Variants in CAD observed in about 807,000 individuals in gnomAD.
CAD encodes the protein carbamoyl-phosphate synthetase 2, aspartate transcarbamylase, and dihydroorotase.
In CAD, 81 loss-of-function variants were observed where a neutral mutation model predicts 237.2. That is an observed-to-expected ratio of 0.34 (90% CI 0.29 to 0.41). The LOEUF (loss-of-function observed/expected upper bound fraction) is 0.41. CAD is among the 10% of genes least tolerant of loss of function. CAD has a pLI of 1.00. For missense variants in CAD, 2,181 were observed against 2,951.7 expected (o/e 0.74, Z 6.05); for synonymous variants, 1,196 against 1,162.8 (o/e 1.03, Z -0.58).
chr2:27,239,461 T>C lies in CAD; in HGVS notation c.5384T>C (p.Ile1795Thr). The change falls in exon 33 of 44, where the codon ATC becomes ACC. Residue 1795 changes from isoleucine (I) to threonine (T), a missense_variant. By Grantham distance (89) the Ile-to-Thr change is moderately conservative. Transcript: ENST00000264705. The surrounding 1 kb of genome is among the most constrained non-coding windows in gnomAD (Gnocchi z 4.0). The part of the protein sequence containing the change: ...RVVLRGEVAY[I>T]DGQVLVPPGY... Reference sequence around the variant, plus strand: ...GTCCTGCGAGGGGAGGTTGCCTATATCGATGGGCAGGTACGCAAGTAGCCC... The same window carrying C: ...GTCCTGCGAGGGGAGGTTGCCTATACCGATGGGCAGGTACGCAAGTAGCCC... 1.2e-6 allele frequency: 2 copies of C among 1,613,658 alleles called. No homozygotes were observed. The highest frequency in any genetic ancestry group is 1.7e-6 in the Non-Finnish European group (2 of 1,179,842).
At position 27,240,379 on chromosome 2, in the gene CAD, G is replaced by A. The variant is rs1354835416; in HGVS notation, c.5593+18G>A. 3.7e-6 allele frequency: 6 copies of A among 1,608,764 alleles called. No homozygotes were observed. The highest frequency in any genetic ancestry group is 1.3e-5 in the African/African-American group (1 of 74,924). On this transcript the variant is annotated intron_variant, in intron 35 of 43. Transcript: ENST00000264705. This position sits in a 1 kb window ranked among gnomAD's most constrained non-coding sequence, Gnocchi z 4.6. ...TTTGCCAGGTAAGAGTGGGGTTCCT[G>A]TGACTCAGAGACTGTGTAGGGACAG...
rs1676224226 is a variant in CAD at position 27,240,041 on chromosome 2, G to C, written c.5497-224G>C. The stretch of plus-strand genomic sequence containing the variant: ...GGATCATCTGAGGTCAGGAGTTTAA[G>C]ACCAGCCTAGCCAACATGGTGAAAC... On this transcript the variant is annotated intron_variant, in intron 34 of 43. Transcript: ENST00000264705. This position sits in a 1 kb window ranked among gnomAD's most constrained non-coding sequence, Gnocchi z 4.6. 1 of 595,966 alleles carries C rather than the reference G, an allele frequency of 1.7e-6. No individual in the cohort carries two copies. The highest frequency in any genetic ancestry group is 1.9e-5 in the African/African-American group (1 of 53,634). 36.9% of individuals were successfully genotyped at this position (595,966 alleles called of 1,614,324 possible).
Position 27,234,026 on chromosome 2 carries a change from G to T in CAD, c.3418G>T (p.Val1140Leu). 1 of 1,613,928 alleles carries T rather than the reference G, an allele frequency of 6.2e-7. No individual in the cohort carries two copies. The highest frequency in any genetic ancestry group is 8.5e-7 in the Non-Finnish European group (1 of 1,179,904). The change falls in exon 22 of 44, where the codon GTG becomes TTG. Residue 1140 changes from valine to leucine, a missense_variant. Coordinates refer to ENST00000264705, the MANE Select transcript of CAD (RefSeq NM_004341.5). ...CCGCTAGGAGATTGACGTGGATGCCGTGGCCTCTGATGGTGTGGTGGCAGC... is the reference window on the plus strand; with the variant it reads ...CCGCTAGGAGATTGACGTGGATGCCTTGGCCTCTGATGGTGTGGTGGCAGC... ...QEAKEIDVDA[V>L]ASDGVVAAIA...
In CAD at chr2:27,222,559, T is replaced by C; in HGVS notation, c.536T>C (p.Leu179Pro). The change falls in exon 5 of 44, where the codon CTT (leucine) becomes CCT (proline). Residue 179 changes from leucine to proline, a missense_variant. Around this residue, in one of 12 missense-constraint regions of CAD, gnomAD observed 314 missense variants for 339.4 expected, o/e 0.93. Coordinates refer to ENST00000264705, the MANE Select transcript of CAD (RefSeq NM_004341.5). ...VFNTGGAPRI[L>P]ALDCGLKYNQ... ...AATACAGGGGGTGCCCCTCGGATCC[T>C]TGCTTTGGACTGTGGCCTCAAGTAT... The C allele has an allele frequency of 6.2e-7, 1 of 1,614,122 alleles. No homozygotes were observed. The highest frequency in any genetic ancestry group is 8.5e-7 in the Non-Finnish European group (1 of 1,179,986).
Position 27,227,694 on chromosome 2 carries a change from G to A in CAD, c.2287+732G>A, listed in dbSNP as rs189428499. Among the ~76,000 whole-genome samples the A allele has an allele frequency of 6.6e-5, 10 of 152,302 alleles. 1 individual carries two copies. The highest frequency in any genetic ancestry group is 2.4e-4 in the African/African-American group (10 of 41,556). Reference sequence around the variant, plus strand: ...GGCAAAAAGAAGTGGATTGAAAATAGGCCAATGAAAGATTGGTTCCTAGAT... The same window carrying A: ...GGCAAAAAGAAGTGGATTGAAAATAAGCCAATGAAAGATTGGTTCCTAGAT... On this transcript the variant is annotated intron_variant, in intron 15 of 43. Transcript: ENST00000264705.
chr2:27,229,712 G>GA (rs1276228100), intron 15 of CAD, among the ~76,000 whole-genome samples: 1 of 150,710 alleles, frequency 6.6e-6, no homozygotes, highest in African/African-American at 2.4e-5. Context: ...CCCATCTCTA[G>GA]AAAATATACA....
chr2:27,235,887 A>AG lies in CAD; in HGVS notation c.4074+247_4074+248insG, dbSNP rs1183190537. ...AGATGCTGTCTCAAAAAAAAAAAAA[A>AG]CAAAGAATTATCTCCTATTCCCCTG... is the stretch of plus-strand genomic sequence containing the variant. On this transcript the variant is annotated intron_variant, in intron 25 of 43. Coordinates refer to ENST00000264705, the MANE Select transcript of CAD (RefSeq NM_004341.5). The surrounding 1 kb of genome is among the most constrained non-coding windows in gnomAD (Gnocchi z 5.2). 4.1e-6 allele frequency: 2 copies of AG among 492,860 alleles called. No individual in the cohort carries two copies. Among genetic ancestry groups the AG allele is most frequent in the African/African-American group, 3.9e-5 (2 of 51,440 alleles). The allele number at this position is 492,860 out of a possible 1,614,324, so 30.5% of individuals were successfully genotyped here.
chr2:27,233,291 G>T lies in CAD; in HGVS notation c.2992-21G>T, dbSNP rs983091343. On this transcript the variant is annotated intron_variant, in intron 19 of 43. Coordinates refer to ENST00000264705, the MANE Select transcript of CAD (RefSeq NM_004341.5). This position sits in a 1 kb window ranked among gnomAD's most constrained non-coding sequence, Gnocchi z 6.3. ...CTGCCCTCTTTTGCTGCCACCACTT[G>T]TTTCTCCCCCTGCAACGTAGGTGGT... 3.7e-6 allele frequency: 6 copies of T among 1,604,996 alleles called. No individual in the cohort carries two copies. The highest frequency in any genetic ancestry group is 1.7e-5 in the Admixed American group (1 of 59,956).
At chr2:27,229,137 C>T (rs1410366404) in intron 15 of CAD, among the ~76,000 whole-genome samples, 1 of 151,294 alleles carries the variant, frequency 6.6e-6, no homozygotes, top group African/African-American at 2.4e-5. Flanking sequence ...TTAGGATGGT[C>T]TCGATCTCTT....
chr2:27,240,420 A>G lies in CAD; in HGVS notation c.5593+59A>G. 2 of 1,537,230 alleles carry G rather than the reference A, an allele frequency of 1.3e-6. No individual in the cohort carries two copies. Among genetic ancestry groups the G allele is most frequent in the Non-Finnish European group, 1.8e-6 (2 of 1,109,880 alleles). ...GTAGGGACAGGATCCACTTCTTCCC[A>G]GTGCCTCGCCTTTCTCTACTTACAT... On this transcript the variant is annotated intron_variant, in intron 35 of 43. Coordinates refer to ENST00000264705, the MANE Select transcript of CAD (RefSeq NM_004341.5). The surrounding 1 kb of genome is among the most constrained non-coding windows in gnomAD (Gnocchi z 4.6).
Position 27,225,752 on chromosome 2 carries a change from A to T in CAD, c.1668A>T (p.Ala556=), listed in dbSNP as rs775395878. ...TGGGGTACCCTGTGCTAGTGCGTGCAGCCTTTGCCCTGGGTGGCCTGGGCT... is the reference window on the plus strand; with the variant it reads ...TGGGGTACCCTGTGCTAGTGCGTGCTGCCTTTGCCCTGGGTGGCCTGGGCT... The part of the protein sequence containing the change: ...ERLGYPVLVR[A]AFALGGLGSG... The change falls in exon 12 of 44, where the codon GCA becomes GCT. Residue 556 remains alanine (A), a synonymous_variant. Transcript: ENST00000264705. 1.9e-6 allele frequency: 3 copies of T among 1,614,096 alleles called. No homozygotes were observed. The African/African-American group carries it at 4.0e-5, about 22-fold the overall frequency.
Position 27,240,514 on chromosome 2 carries a change from G to T in CAD, c.5593+153G>T. 7.9e-6 allele frequency: 12 copies of T among 1,527,268 alleles called. No homozygotes were observed. The highest frequency in any genetic ancestry group is 2.4e-5 in the East Asian group (1 of 40,874). The allele number at this position is 1,527,268 out of a possible 1,614,324, so 94.6% of individuals were successfully genotyped here. On this transcript the variant is annotated intron_variant, in intron 35 of 43. Transcript: ENST00000264705. This position sits in a 1 kb window ranked among gnomAD's most constrained non-coding sequence, Gnocchi z 4.6. The stretch of plus-strand genomic sequence containing the variant: ...ATCCTTTGCCTAAACAAGTCTCCCC[G>T]GTGTGAGTAGACATCTCACAGCTTC...
chr2:27,234,438 C>A, intron 22 of CAD, 80 bp from the exon 23 acceptor site: 1 of 1,404,540 alleles, frequency 7.1e-7, no homozygotes, highest in Non-Finnish European at 9.9e-7. Context: ...GAGCTGAGGA[C>A]GGAGAGGAAG....
rs892678096 is a variant in CAD at position 27,217,509 on chromosome 2, T to C, written c.-43T>C. 1.1e-5 allele frequency: 17 copies of C among 1,520,808 alleles called. No individual in the cohort carries two copies. The Admixed American group carries it at 3.1e-4, about 28-fold the overall frequency. The allele number at this position is 1,520,808 out of a possible 1,614,324, so 94.2% of individuals were successfully genotyped here. ...TGGTTCCAGTGGAGTTTGCAGTCCT[T>C]CCCGCTTCTCCGTACTCGCCCCCGC... On this transcript the variant is annotated 5_prime_UTR_variant, in exon 1 of 44. Coordinates refer to ENST00000264705, the MANE Select transcript of CAD (RefSeq NM_004341.5).
intron 11 of CAD, 102 bp from the exon 12 acceptor site, chr2:27,225,603 T>C (rs1675411215): frequency 9.0e-6 from 8 of 886,016 alleles, no homozygotes; most frequent in Admixed American, 4.0e-5. Context: ...TGAGCCACTA[T>C]GCCCAGCCAT....
chr2:27,236,706 C>T lies in CAD; in HGVS notation c.4315-43C>T, dbSNP rs1184684144. 3.8e-6 allele frequency: 6 copies of T among 1,595,874 alleles called. No individual in the cohort carries two copies. Among genetic ancestry groups the T allele is most frequent in the Non-Finnish European group, 5.2e-6 (6 of 1,163,638 alleles). On this transcript the variant is annotated intron_variant, in intron 26 of 43. Coordinates refer to ENST00000264705, the MANE Select transcript of CAD (RefSeq NM_004341.5). The surrounding 1 kb of genome is among the most constrained non-coding windows in gnomAD (Gnocchi z 4.1). ...AAACCACATCTCTCCCTACAACTCCCAGGATCACCCTTCCCTTAAAGCTGA... is the reference window on the plus strand; with the variant it reads ...AAACCACATCTCTCCCTACAACTCCTAGGATCACCCTTCCCTTAAAGCTGA...
Position 27,223,012 on chromosome 2 carries a change from A to G in CAD, c.784A>G (p.Ile262Val). 3 of 1,613,988 alleles carry G rather than the reference A, an allele frequency of 1.9e-6. No homozygotes were observed. The highest frequency in any genetic ancestry group is 2.5e-6 in the Non-Finnish European group (3 of 1,179,954). Residue 262 changes from isoleucine to valine, a missense_variant, in exon 6 of 44, where the codon ATT (isoleucine) becomes GTT (valine). By Grantham distance (29) the Ile-to-Val change is conservative. Transcript: ENST00000264705. ...GGGACACCAGCTATTGGCCTTAGCC[A>G]TTGGGGCCAAGACTTACAAGATGAG... Reference protein sequence around the residue: ...CLGHQLLALAIGAKTYKMRYG... With the variant: ...CLGHQLLALAVGAKTYKMRYG...
At chr2:27,231,428 C>T (rs772613852) in intron 15 of CAD, 40 bp from the exon 16 acceptor site, 1 of 1,190,082 alleles carries the variant, frequency 8.4e-7, no homozygotes, top group South Asian at 1.2e-5. Flanking sequence ...CCCACCCCTT[C>T]CACCTCCACA....
rs562363506 is a variant in CAD at position 27,224,588 on chromosome 2, A to G, written c.1254+98A>G. 4.1e-4 allele frequency: 643 copies of G among 1,552,284 alleles called. 7 individuals carry two copies. In the South Asian group the frequency reaches 7.4e-3, roughly 18 times the overall value. On this transcript the variant is annotated intron_variant, in intron 9 of 43. Transcript: ENST00000264705. ...TAAGGTTGCAGGGAGGAAATGAACC[A>G]GATTTGGGGAATGTAGAGAAAGATG...
Sources: gnomAD v4.1 joint callset for allele counts (sites outside exome capture counted in the v4.1 genomes callset) on GRCh38, gnomAD v4.1.1 for gene constraint, gnomAD v4.1.1 regional missense constraint, Gnocchi (gnomAD v3.1) non-coding constraint, MANE v1.5 for transcripts, NCBI Gene and HGNC (gene_info 2026-07-23, HGNC 2026-07-21) for gene names.